VPS13C: variants seen among roughly 807,000 people sequenced by gnomAD.
VPS13C encodes vacuolar protein sorting 13 homolog C.
In VPS13C, 358 loss-of-function variants were observed where a neutral mutation model predicts 456.8. That is an observed-to-expected ratio of 0.78 (90% CI 0.72 to 0.86). VPS13C has a LOEUF of 0.86. VPS13C is among the 40% of genes least tolerant of loss of function. The pLI is 0.00. For missense variants in VPS13C, 4,818 were observed against 4,385.4 expected, an observed-to-expected ratio of 1.10 and a Z score of -2.79; for synonymous variants, 1,578 against 1,486.7, an observed-to-expected ratio of 1.06 and a Z score of -1.41.
At chr15:61,983,776 C>T (rs2140394120) in intron 20 of VPS13C, 44 bp downstream of exon 20, 1 of 1,576,874 alleles carries the variant, frequency 6.3e-7, no homozygotes, top group Non-Finnish European at 8.7e-7. Flanking sequence ...ATGTCAGAAG[C>T]ATAAGATGAT....
chr15:62,015,812 T>A (rs2047220869), intron 9 of VPS13C, among the ~76,000 whole-genome samples: 1 of 133,964 alleles, frequency 7.5e-6, no homozygotes, highest in Non-Finnish European at 1.6e-5. Context: ...AGGGATAGCA[T>A]TGGGAGATAT....
intron 18 of VPS13C, among the ~76,000 whole-genome samples, chr15:61,987,433 T>C (rs866190989): frequency 1.3e-5 from 2 of 152,166 alleles, no homozygotes; most frequent in African/African-American, 4.8e-5. Flanking sequence ...ACTTCTTACA[T>C]AGCAGGCAAG....
chr15:62,015,561 T>G (rs2047205622), intron 9 of VPS13C, among the ~76,000 whole-genome samples: 1 of 147,858 alleles, frequency 6.8e-6, no homozygotes, highest in Non-Finnish European at 1.5e-5. Context: ...ATTAAGAAAA[T>G]GTGGCACATA....
In VPS13C at chr15:61,978,730, C is replaced by T. The variant is rs750199829; in HGVS notation, c.2186G>A (p.Gly729Asp). The T allele has an allele frequency of 8.7e-6, 14 of 1,604,106 alleles. No individual in the cohort carries two copies. In the South Asian group the frequency reaches 1.5e-4, roughly 17 times the overall value. Reference sequence around the variant, plus strand: ...AGATGAATTAGTAGTCTTCTGTAAACCTTGATCTTTACTGTTGAGCTAAAA... The same window carrying T: ...AGATGAATTAGTAGTCTTCTGTAAATCTTGATCTTTACTGTTGAGCTAAAA... ...GTFQLNSKDQ[G>D]LQKTTNSSLE... The change falls in exon 23 of 85, where the codon GGT becomes GAT. Residue 729 changes from glycine (G) to aspartate (D), a missense_variant. Coordinates refer to ENST00000644861, the MANE Select transcript of VPS13C (RefSeq NM_020821.3).
chr15:61,892,450 A>G (rs1416451271), intron 66 of VPS13C, among the ~76,000 whole-genome samples: 1 of 152,198 alleles, frequency 6.6e-6, no homozygotes, highest in South Asian at 2.1e-4. Context: ...AGTGCTGAAT[A>G]GGAGGCAGTG....
intron 79 of VPS13C, among the ~76,000 whole-genome samples, chr15:61,870,635 G>C (rs1894951363): frequency 6.6e-6 from 1 of 152,040 alleles, no homozygotes; most frequent in Non-Finnish European, 1.5e-5. Flanking sequence ...AAATCTTCTG[G>C]GTATAAACCT....
At chr15:61,871,854 CA>C (rs1161481468) in intron 79 of VPS13C, 134 bp downstream of exon 79, 35 of 702,040 alleles carry the variant, frequency 5.0e-5, no homozygotes, top group Non-Finnish European at 7.3e-5. Context: ...ATTCATTGAG[CA>C]ACTTAAGGCT....
chr15:61,881,101 G>A, intron 71 of VPS13C, 147 bp from the exon 72 acceptor site: 1 of 680,630 alleles, frequency 1.5e-6, no homozygotes, highest in South Asian at 2.4e-5. Flanking sequence ...AGTCTTCTTA[G>A]ATTGAGACTT....
At chr15:62,017,823 A>G (rs1211943073) in intron 9 of VPS13C, among the ~76,000 whole-genome samples, 1 of 152,200 alleles carries the variant, frequency 6.6e-6, no homozygotes, top group Non-Finnish European at 1.5e-5. Context: ...TTCTGTGAAG[A>G]AAGTCATTGG....
rs141313938 is a variant in VPS13C at position 61,963,933 on chromosome 15, T to C, written c.3233A>G (p.Asp1078Gly). The C allele has an allele frequency of 2.5e-6, 4 of 1,607,082 alleles. No homozygotes were observed. The highest frequency in any genetic ancestry group is 3.4e-6 in the Non-Finnish European group (4 of 1,174,824). Residue 1078 changes from aspartate to glycine, a missense_variant, in exon 32 of 85, where the codon GAT becomes GGT. By Grantham distance (94) the Asp-to-Gly change is moderately conservative. Coordinates refer to ENST00000644861, the MANE Select transcript of VPS13C (RefSeq NM_020821.3). ...TAGCCTGAAATCAATAATGTCACTA[T>C]CTCTGGAGGATACAATCGCTAAAAA... ...TLPKAIVSSR[D>G]SDIIDFRLFA...
At chr15:62,006,683 G>A (rs949511212) in intron 15 of VPS13C, among the ~76,000 whole-genome samples, 19 of 152,288 alleles carry the variant, frequency 1.2e-4, no homozygotes, top group African/African-American at 4.6e-4. Flanking sequence ...TCGCCACACT[G>A]ACTTCCACAA....
rs749680231 is a variant in VPS13C at position 61,915,983 on chromosome 15, C to G, written c.8095G>C (p.Ala2699Pro). 1 of 1,609,916 alleles carries G rather than the reference C, an allele frequency of 6.2e-7. No individual in the cohort carries two copies. Among genetic ancestry groups the G allele is most frequent in the African/African-American group, 1.3e-5 (1 of 74,978 alleles). The change falls in exon 61 of 85, where the codon GCT becomes CCT. Residue 2699 changes from alanine (A) to proline (P), a missense_variant. Physicochemically the swap from Ala to Pro is conservative, Grantham distance 27. Transcript: ENST00000644861. ...ETHELAEGSTADVLHSRISGE... is the reference protein window; with the variant it reads ...ETHELAEGSTPDVLHSRISGE... The stretch of plus-strand genomic sequence containing the variant: ...CTGATTCTCGAATGCAGAACATCAG[C>G]AGTACTGCCTTCTGCCAGCTCATGA...
At chr15:62,009,173 A>T (rs559848364) in intron 13 of VPS13C, among the ~76,000 whole-genome samples, 1 of 152,320 alleles carries the variant, frequency 6.6e-6, no homozygotes, top group South Asian at 2.1e-4. Context: ...CCTCTGGATC[A>T]TCATTTCAGC....
intron 66 of VPS13C, among the ~76,000 whole-genome samples, chr15:61,896,583 C>T (rs968216130): frequency 2.6e-5 from 4 of 152,238 alleles, no homozygotes; most frequent in African/African-American, 9.6e-5. Context: ...ATATCCCGCA[C>T]CTGGCTCGGA....
chr15:61,856,292 T>G lies in VPS13C; in HGVS notation c.11070A>C (p.Ser3690=). ...PSVSENVLKI[S]VKEQGLFHKK... ...GTGTGACATGTTTTCTTACCTTAACTGAAATTTTTAGCACATTTTCACTGA... is the reference window on the plus strand; with the variant it reads ...GTGTGACATGTTTTCTTACCTTAACGGAAATTTTTAGCACATTTTCACTGA... The change falls in exon 83 of 85, where the codon TCA becomes TCC. Residue 3690 remains serine, a synonymous_variant. Transcript: ENST00000644861. 1 of 1,613,116 alleles carries G rather than the reference T, an allele frequency of 6.2e-7. No individual in the cohort carries two copies. Among genetic ancestry groups the G allele is most frequent in the Non-Finnish European group, 8.5e-7 (1 of 1,179,402 alleles).
rs749483986 is a variant in VPS13C at position 61,880,615 on chromosome 15, A to G, written c.9996T>C (p.Pro3332=). Residue 3332 remains proline (P), a synonymous_variant, in exon 73 of 85, where the codon CCT becomes CCC. Transcript: ENST00000644861. ...LSFFEHFHIS[P]VKLHLSLSLG... ...AATAATAATTACAACAAACCTTCAC[A>G]GGAGAAATATGGAAATGTTCAAAGA... 1 of 1,563,750 alleles carries G rather than the reference A, an allele frequency of 6.4e-7. No homozygotes were observed. The highest frequency in any genetic ancestry group is 8.7e-7 in the Non-Finnish European group (1 of 1,154,586).
intron 61 of VPS13C, among the ~76,000 whole-genome samples, chr15:61,914,687 AG>A (rs2043406670): frequency 1.3e-5 from 2 of 151,218 alleles, no homozygotes; most frequent in Admixed American, 1.3e-4. Context: ...CAGCCACCCG[AG>A]TAGCTGAGAT....
chr15:61,953,702 T>C (rs886376556), intron 38 of VPS13C, among the ~76,000 whole-genome samples: 5 of 152,150 alleles, frequency 3.3e-5, no homozygotes, highest in Non-Finnish European at 7.3e-5. Context: ...TAAACATACA[T>C]GTGCATGTGT....
At chr15:61,982,294 G>C (rs2045911805) in intron 21 of VPS13C, among the ~76,000 whole-genome samples, 165 bp downstream of exon 21, 1 of 152,106 alleles carries the variant, frequency 6.6e-6, no homozygotes, top group Non-Finnish European at 1.5e-5. Flanking sequence ...CAGTCTATCA[G>C]GTATATTTGA....
Sources: gnomAD v4.1 joint callset for allele counts (sites outside exome capture counted in the v4.1 genomes callset) on GRCh38, gnomAD v4.1.1 for gene constraint, MANE v1.5 for transcripts, NCBI Gene and HGNC (gene_info 2026-07-23, HGNC 2026-07-21) for gene names.